The following C8orf34 variants were observed in gnomAD, a reference collection of about 807,000 sequenced individuals.
C8orf34 encodes uncharacterized protein C8orf34.
Under a neutral mutation model 68.3 loss-of-function variants are expected in C8orf34, and 65 were observed. The observed-to-expected ratio is 0.95, with a 90% CI of 0.78 to 1.17. C8orf34 has a LOEUF of 1.17. Among genes scored for constraint, C8orf34 ranks in the 50% most tolerant of loss-of-function variants. C8orf34 has a pLI of 0.00. For missense variants in C8orf34, 664 were observed against 655.4 expected (o/e 1.01, Z -0.14); for synonymous variants, 244 against 241.2 (o/e 1.01, Z -0.11).
chr8:68,418,051 A>T (rs554713514), intron 1 of C8orf34, among the ~76,000 whole-genome samples: 1 of 148,068 alleles, frequency 6.8e-6, no homozygotes, highest in South Asian at 2.2e-4. Flanking sequence ...ATTCTCTTTG[A>T]AGCAATTGTG....
intron 7 of C8orf34, among the ~76,000 whole-genome samples, chr8:68,574,030 A>C (rs1237683745): frequency 2.0e-5 from 3 of 152,180 alleles, no homozygotes; most frequent in African/African-American, 7.2e-5. Flanking sequence ...TTTAAACTTT[A>C]CCCATTTCCC....
intron 9 of C8orf34, among the ~76,000 whole-genome samples, chr8:68,716,453 CA>C (rs1470645670): frequency 6.6e-6 from 1 of 151,988 alleles, no homozygotes; most frequent in Non-Finnish European, 1.5e-5. Flanking sequence ...AAAATCAATA[CA>C]TCAACAGAAA....
At chr8:68,715,909 C>T (rs1197048025) in intron 9 of C8orf34, among the ~76,000 whole-genome samples, 2 of 152,102 alleles carry the variant, frequency 1.3e-5, no homozygotes, top group African/African-American at 4.8e-5. Flanking sequence ...AAATATGGAA[C>T]CAGCCCAAAT....
rs533994307 is a variant in C8orf34, at chr8:68,481,359, T to C, written c.737-6664T>C. Among the ~76,000 whole-genome samples, 11 of 147,040 alleles carry C rather than the reference T, an allele frequency of 7.5e-5. No individual in the cohort carries two copies. The South Asian group carries it at 2.4e-3, about 32-fold the overall frequency. Reference sequence around the variant, plus strand: ...GCGGGGCCCTCATGGATAACTCTACTAGGGCAGTGTGGAAGGGAAATGTGG... The same window carrying C: ...GCGGGGCCCTCATGGATAACTCTACCAGGGCAGTGTGGAAGGGAAATGTGG... On this transcript the variant is annotated intron_variant, in intron 4 of 13. Transcript: ENST00000518698.
At chr8:68,406,453 T>G (rs1382520730) in intron 1 of C8orf34, among the ~76,000 whole-genome samples, 1 of 152,044 alleles carries the variant, frequency 6.6e-6, no homozygotes. Flanking sequence ...GGACCGGTAG[T>G]TTCTTCTCTT....
intron 1 of C8orf34, among the ~76,000 whole-genome samples, chr8:68,348,022 A>G (rs1216580079): frequency 6.6e-6 from 1 of 152,020 alleles, no homozygotes; most frequent in Non-Finnish European, 1.5e-5. Flanking sequence ...TGTCTTTGTT[A>G]TGAAATCTTT....
At chr8:68,600,772 A>G (rs1316891866) in intron 7 of C8orf34, among the ~76,000 whole-genome samples, 1 of 152,108 alleles carries the variant, frequency 6.6e-6, no homozygotes, top group Non-Finnish European at 1.5e-5. Flanking sequence ...GGAACATTTT[A>G]AGTCCTCTGT....
At chr8:68,598,476 C>T (rs183003274) in intron 7 of C8orf34, among the ~76,000 whole-genome samples, 60 of 152,150 alleles carry the variant, frequency 3.9e-4, no homozygotes, top group Non-Finnish European at 8.5e-4. Flanking sequence ...GGGAAGAGGC[C>T]GTGGCACAGC....
intron 9 of C8orf34, among the ~76,000 whole-genome samples, chr8:68,717,062 C>T (rs1408687785): frequency 6.6e-6 from 1 of 151,866 alleles, no homozygotes; most frequent in Non-Finnish European, 1.5e-5. Flanking sequence ...GGTGTGAATA[C>T]TCCCACCGTG....
chr8:68,561,832 G>A (rs773809792), intron 7 of C8orf34, among the ~76,000 whole-genome samples: 27 of 151,604 alleles, frequency 1.8e-4, no homozygotes, highest in Non-Finnish European at 3.4e-4. Flanking sequence ...CATTAGCCTG[G>A]GCCTACACAG....
At chr8:68,805,320 T>G (rs936944138) in intron 12 of C8orf34, among the ~76,000 whole-genome samples, 5 of 152,328 alleles carry the variant, frequency 3.3e-5, no homozygotes, top group Admixed American at 6.5e-5. Flanking sequence ...TTGCTGTTGT[T>G]GGGTGGAGTT....
chr8:68,671,287 A>G (rs1381557939), intron 8 of C8orf34, among the ~76,000 whole-genome samples: 1 of 152,222 alleles, frequency 6.6e-6, no homozygotes, highest in Admixed American at 6.5e-5. Context: ...GAACTGAAAA[A>G]TATGAGCATA....
intron 10 of C8orf34, among the ~76,000 whole-genome samples, chr8:68,731,879 G>T (rs866569814): frequency 6.6e-6 from 1 of 152,222 alleles, no homozygotes; most frequent in Admixed American, 6.5e-5. Flanking sequence ...CAAATAGTTT[G>T]TCCCAGGCTA....
chr8:68,560,658 A>G (rs955676099), intron 7 of C8orf34, among the ~76,000 whole-genome samples: 2 of 152,182 alleles, frequency 1.3e-5, no homozygotes, highest in African/African-American at 4.8e-5. Flanking sequence ...TTGTAATGCA[A>G]TGGTAAGTAT....
At chr8:68,511,651 T>C (rs1034166600) in intron 5 of C8orf34, among the ~76,000 whole-genome samples, 3 of 152,290 alleles carry the variant, frequency 2.0e-5, no homozygotes, top group Admixed American at 1.3e-4. Context: ...ATAAGAGGGC[T>C]GAACATACTG....
At chr8:68,795,613 C>A (rs1824157561) in intron 12 of C8orf34, among the ~76,000 whole-genome samples, 1 of 152,164 alleles carries the variant, frequency 6.6e-6, no homozygotes, top group African/African-American at 2.4e-5. Context: ...TAGTGGTCAG[C>A]TAATGACTGG....
At chr8:68,420,276 G>A (rs1182157160) in intron 1 of C8orf34, among the ~76,000 whole-genome samples, 1 of 151,716 alleles carries the variant, frequency 6.6e-6, no homozygotes, top group African/African-American at 2.4e-5. Context: ...TTTGGACTGG[G>A]ACCCAGAAGA....
intron 3 of C8orf34, chr8:68,448,102 G>A (rs1811197520): frequency 6.6e-6 from 1 of 151,982 alleles, no homozygotes; most frequent in Admixed American, 6.6e-5. Context: ...AAAACCTTAG[G>A]AGATTAGTAA....
intron 1 of C8orf34, among the ~76,000 whole-genome samples, chr8:68,425,646 A>T (rs1810177108): frequency 6.6e-6 from 1 of 152,090 alleles, no homozygotes. Context: ...TCATAATTTC[A>T]TCAAGGCTTT....
Sources: gnomAD v4.1 joint callset for allele counts (sites outside exome capture counted in the v4.1 genomes callset) on GRCh38, gnomAD v4.1.1 for gene constraint, MANE v1.5 for transcripts, NCBI Gene and HGNC (gene_info 2026-07-23, HGNC 2026-07-21) for gene names.